The following HCRTR2 variants were observed in gnomAD, a reference collection of about 807,000 sequenced individuals.
HCRTR2 encodes the protein hypocretin receptor 2, also known as orexin receptor type 2.
In HCRTR2, 22 loss-of-function variants were observed where a neutral mutation model predicts 49.0. The ratio of observed to expected loss-of-function variants is 0.45; its 90% CI spans 0.32 to 0.64. The LOEUF is 0.64. Ranked by LOEUF, HCRTR2 falls within the 30% of genes least tolerant of loss-of-function variation. The pLI is 0.04. For synonymous variants in HCRTR2, 236 were observed against 205.3 expected, an observed-to-expected ratio of 1.15 and a Z score of -1.28; for missense variants, 491 against 559.4, an observed-to-expected ratio of 0.88 and a Z score of 1.23.
chr6:55,265,935 TG>T (rs2127324314), intron 4 of HCRTR2, among the ~76,000 whole-genome samples: 2 of 152,204 alleles, frequency 1.3e-5, no homozygotes, highest in South Asian at 4.1e-4. Flanking sequence ...TATTTCTATT[TG>T]GGCCAGTAAA....
At chr6:55,161,704 C>T (rs1764808096) in intron 1 of HCRTR2, among the ~76,000 whole-genome samples, 1 of 152,120 alleles carries the variant, frequency 6.6e-6, no homozygotes, top group African/African-American at 2.4e-5. Context: ...ACTATAGACA[C>T]CTCTATGCAA....
At chr6:55,218,188 G>C (rs1359462646) in intron 1 of HCRTR2, among the ~76,000 whole-genome samples, 1 of 152,094 alleles carries the variant, frequency 6.6e-6, no homozygotes, top group Non-Finnish European at 1.5e-5. Flanking sequence ...ATTCATGAGG[G>C]CTCTGCCTCT....
intron 1 of HCRTR2, among the ~76,000 whole-genome samples, chr6:55,227,666 A>T (rs1008785141): frequency 6.6e-6 from 1 of 152,136 alleles, no homozygotes; most frequent in Non-Finnish European, 1.5e-5. Context: ...CTACTATATG[A>T]TATGCATCAC....
At chr6:55,240,271 T>A (rs892578463) in intron 1 of HCRTR2, among the ~76,000 whole-genome samples, 1 of 131,570 alleles carries the variant, frequency 7.6e-6, no homozygotes, top group Non-Finnish European at 1.5e-5. Flanking sequence ...GGCAGGAGAA[T>A]GGCGTGAACC....
intron 1 of HCRTR2, among the ~76,000 whole-genome samples, chr6:55,167,243 A>G (rs1300006294): frequency 6.6e-6 from 1 of 152,174 alleles, no homozygotes; most frequent in Non-Finnish European, 1.5e-5. Flanking sequence ...CCACAGTGCT[A>G]CTCAATGCAG....
chr6:55,205,422 T>C (rs1765583730), intron 1 of HCRTR2, among the ~76,000 whole-genome samples: 1 of 152,020 alleles, frequency 6.6e-6, no homozygotes, highest in Admixed American at 6.6e-5. Flanking sequence ...AAGAGAGTAA[T>C]TAGCTCAAAT....
At chr6:55,118,304 T>C (rs1171274363) in intron 1 of HCRTR2, among the ~76,000 whole-genome samples, 2 of 152,020 alleles carry the variant, frequency 1.3e-5, no homozygotes, top group East Asian at 1.9e-4. Context: ...CTATCATTGA[T>C]GGACATTTAG....
chr6:55,106,748 A>G (rs780737475), intron 1 of HCRTR2, among the ~76,000 whole-genome samples: 1 of 152,130 alleles, frequency 6.6e-6, no homozygotes, highest in East Asian at 1.9e-4. Flanking sequence ...TTTCTCAGAC[A>G]TCATCATGGT....
At chr6:55,275,268 T>C (rs1767056038) in intron 4 of HCRTR2, among the ~76,000 whole-genome samples, 1 of 152,184 alleles carries the variant, frequency 6.6e-6, no homozygotes, top group African/African-American at 2.4e-5. Context: ...AATAGTGAAA[T>C]AAAAGTGGGG....
rs181986158 is a variant in HCRTR2 at position 55,273,905 on chromosome 6, A to G, written c.763-3475A>G. Among the ~76,000 whole-genome samples the G allele has an allele frequency of 3.8e-3, 571 of 152,162 alleles. 7 individuals are homozygous for G. Among genetic ancestry groups the G allele is most frequent in the South Asian group, 0.027 (131 of 4,826 alleles). On this transcript the variant is annotated intron_variant, in intron 4 of 6. Transcript: ENST00000370862. Reference sequence around the variant, plus strand: ...AGTCCTCTGGGATACACACAATCACAAATACACTTAAACACTCAATGTACC... The same window carrying G: ...AGTCCTCTGGGATACACACAATCACGAATACACTTAAACACTCAATGTACC...
intron 1 of HCRTR2, among the ~76,000 whole-genome samples, chr6:55,140,513 C>G (rs1581791470): frequency 6.6e-6 from 1 of 152,094 alleles, no homozygotes; most frequent in Non-Finnish European, 1.5e-5. Flanking sequence ...AGGAGAAATC[C>G]CTTTTGAAAA....
chr6:55,128,676 T>C (rs148658875), intron 1 of HCRTR2, among the ~76,000 whole-genome samples: 157 of 152,296 alleles, frequency 1.0e-3, no homozygotes, highest in African/African-American at 3.6e-3. Flanking sequence ...ATTTTTTGTG[T>C]GAATCTGCCT....
chr6:55,257,492 A>G (rs1326482859), intron 3 of HCRTR2, among the ~76,000 whole-genome samples: 3 of 151,996 alleles, frequency 2.0e-5, no homozygotes, highest in South Asian at 2.1e-4. Flanking sequence ...TTTCACTTAT[A>G]TGTTTATGGG....
intron 1 of HCRTR2, among the ~76,000 whole-genome samples, chr6:55,154,683 AATAAATAAATAAATAG>A (rs1158416450): frequency 7.1e-6 from 1 of 140,990 alleles, no homozygotes; most frequent in Admixed American, 7.3e-5. Flanking sequence ...GGCAAAAATA[AATAAATAAATAAATAG>A]ATAAATAAAT....
intron 1 of HCRTR2, among the ~76,000 whole-genome samples, chr6:55,161,201 A>G (rs182560644): frequency 2.0e-5 from 3 of 152,290 alleles, no homozygotes; most frequent in East Asian, 1.9e-4. Context: ...GCACAACTAC[A>G]TGGAAACTGA....
chr6:55,170,025 AAAC>A (rs1342643446), upstream of HCRTR2, among the ~76,000 whole-genome samples: 6 of 140,416 alleles, frequency 4.3e-5, no homozygotes, highest in African/African-American at 1.6e-4. Flanking sequence ...TGAGATCTCT[AAAC>A]AACCTACCTA....
intron 5 of HCRTR2, among the ~76,000 whole-genome samples, chr6:55,278,700 A>G (rs1373558661): frequency 3.3e-5 from 5 of 149,434 alleles, no homozygotes; most frequent in Admixed American, 6.8e-5. Context: ...TTTGCCCTCC[A>G]TATCTTTTTG....
chr6:55,221,558 A>G (rs903155602), intron 1 of HCRTR2, among the ~76,000 whole-genome samples: 1 of 152,182 alleles, frequency 6.6e-6, no homozygotes, highest in Non-Finnish European at 1.5e-5. Flanking sequence ...TCACGCCTGT[A>G]ATCCCAGCAC....
rs576918277 is a variant in HCRTR2, at chr6:55,248,358, A to C, written c.224-281A>C. ...ACTGAGGGAATAGAAAGATGAATCA[A>C]AGACCATTTTAAAACATCTGGCATT... On this transcript the variant is annotated intron_variant, in intron 1 of 6. Transcript: ENST00000370862. Among the ~76,000 whole-genome samples the C allele has an allele frequency of 2.6e-5, 4 of 152,228 alleles. No homozygotes were observed. The South Asian group carries it at 8.3e-4, about 32-fold the overall frequency.
Sources: gnomAD v4.1 joint callset for allele counts (sites outside exome capture counted in the v4.1 genomes callset) on GRCh38, gnomAD v4.1.1 for gene constraint, MANE v1.5 for transcripts, NCBI Gene and HGNC (gene_info 2026-07-23, HGNC 2026-07-21) for gene names.